Variants in CDH18 observed in about 807,000 individuals in gnomAD.
The protein encoded by CDH18 is cadherin-18.
A neutral mutation model predicts 67.9 loss-of-function variants in CDH18; 31 were observed. That is an observed-to-expected ratio of 0.46 (90% confidence interval 0.34 to 0.62). The LOEUF (loss-of-function observed/expected upper bound fraction) is 0.62. CDH18 is among the 20% of genes least tolerant of loss of function. The pLI is 0.01. For missense variants in CDH18, 890 were observed against 975.5 expected (o/e 0.91, Z 1.17); for synonymous variants, 362 against 347.2 (o/e 1.04, Z -0.48).
intron 4 of CDH18, among the ~76,000 whole-genome samples, chr5:19,741,257 G>GGA: frequency 1.7e-5 from 1 of 58,416 alleles, no homozygotes; most frequent in South Asian, 9.5e-4. Flanking sequence ...ATGTATATAT[G>GGA]TATACATATA....
At chr5:20,067,379 G>C (rs949878123) in intron 2 of CDH18, among the ~76,000 whole-genome samples, 2 of 150,644 alleles carry the variant, frequency 1.3e-5, no homozygotes, top group African/African-American at 2.4e-5. Flanking sequence ...TTGGTCTTTT[G>C]CTGTATGCGC....
intron 2 of CDH18, among the ~76,000 whole-genome samples, chr5:20,006,569 T>C (rs1010783365): frequency 3.9e-5 from 6 of 151,970 alleles, no homozygotes; most frequent in Non-Finnish European, 8.8e-5. Context: ...TGATGAAATA[T>C]GAACTTGCTT....
At chr5:19,689,365 T>C (rs900333044) in intron 5 of CDH18, among the ~76,000 whole-genome samples, 2 of 151,824 alleles carry the variant, frequency 1.3e-5, no homozygotes, top group Non-Finnish European at 2.9e-5. Context: ...GAGTATAGGA[T>C]GATATATTCA....
At chr5:19,718,642 A>G (rs1765631773) in intron 5 of CDH18, among the ~76,000 whole-genome samples, 1 of 151,976 alleles carries the variant, frequency 6.6e-6, no homozygotes, top group Non-Finnish European at 1.5e-5. Context: ...AGATACTTGC[A>G]TATTTAAAAG....
intron 2 of CDH18, among the ~76,000 whole-genome samples, chr5:20,097,972 G>A (rs892699289): frequency 5.9e-5 from 9 of 151,714 alleles, no homozygotes; most frequent in Admixed American, 2.6e-4. Flanking sequence ...TATATCTTTC[G>A]ATTAGATTAT....
chr5:20,519,069 C>A (rs1053392778), intron 1 of CDH18, among the ~76,000 whole-genome samples: 2 of 152,096 alleles, frequency 1.3e-5, no homozygotes, highest in African/African-American at 4.8e-5. Flanking sequence ...GGAGATGATA[C>A]AAATTTTCAA....
intron 5 of CDH18, among the ~76,000 whole-genome samples, chr5:19,714,853 G>T (rs1039913850): frequency 6.6e-6 from 1 of 151,744 alleles, no homozygotes; most frequent in Non-Finnish European, 1.5e-5. Flanking sequence ...GATAAGTGAG[G>T]ACATACTGCA....
At chr5:20,333,540 C>T (rs1482343648) in intron 1 of CDH18, among the ~76,000 whole-genome samples, 1 of 146,394 alleles carries the variant, frequency 6.8e-6, no homozygotes, top group African/African-American at 2.5e-5. Context: ...CACACACACA[C>T]ACACACACAC....
intron 1 of CDH18, among the ~76,000 whole-genome samples, chr5:20,520,949 T>C (rs1485182050): frequency 6.6e-6 from 1 of 152,184 alleles, no homozygotes; most frequent in African/African-American, 2.4e-5. Flanking sequence ...ACCAGTCAGC[T>C]AAAAGGTGAG....
chr5:20,563,966 G>T (rs113267109), intron 1 of CDH18, among the ~76,000 whole-genome samples: 1 of 151,986 alleles, frequency 6.6e-6, no homozygotes, highest in African/African-American at 2.4e-5. Context: ...GGAACCCATG[G>T]TAAGTTTAAT....
intron 7 of CDH18, among the ~76,000 whole-genome samples, chr5:19,582,157 A>C (rs1743356656): frequency 6.6e-6 from 1 of 151,942 alleles, no homozygotes; most frequent in African/African-American, 2.4e-5. Flanking sequence ...TTTATATATA[A>C]TTATACACAA....
chr5:19,493,345 A>G (rs1579784117), intron 11 of CDH18, among the ~76,000 whole-genome samples: 1 of 152,230 alleles, frequency 6.6e-6, no homozygotes, highest in South Asian at 2.1e-4. Flanking sequence ...CCCAGCAGAC[A>G]GTACATAACA....
intron 3 of CDH18, among the ~76,000 whole-genome samples, chr5:19,769,129 G>T (rs977834840): frequency 1.3e-5 from 2 of 151,878 alleles, no homozygotes; most frequent in African/African-American, 4.8e-5. Context: ...GAGAAAAGGA[G>T]ACAGAAAGAA....
chr5:20,317,369 A>T (rs894203956), intron 1 of CDH18, among the ~76,000 whole-genome samples: 3 of 152,132 alleles, frequency 2.0e-5, no homozygotes, highest in African/African-American at 7.2e-5. Flanking sequence ...AAAAGTTTAT[A>T]TTAGAGGATA....
chr5:19,586,277 T>C (rs748221007), intron 7 of CDH18, among the ~76,000 whole-genome samples: 2 of 152,060 alleles, frequency 1.3e-5, no homozygotes, highest in Non-Finnish European at 2.9e-5. Flanking sequence ...ACATGTGCCA[T>C]GGTGGTCTGC....
intron 5 of CDH18, among the ~76,000 whole-genome samples, chr5:19,617,220 G>C (rs1342534083): frequency 4.6e-5 from 7 of 152,128 alleles, no homozygotes; most frequent in Admixed American, 2.0e-4. Flanking sequence ...ATATGTATAG[G>C]GATCAAATAG....
intron 1 of CDH18, among the ~76,000 whole-genome samples, chr5:20,443,396 C>T (rs1749777733): frequency 6.6e-6 from 1 of 151,600 alleles, no homozygotes; most frequent in African/African-American, 2.4e-5. Flanking sequence ...TTTACAATAT[C>T]AATGATGAAT....
chr5:19,811,149 AGAAAGAAAGAAG>A (rs749165556), intron 3 of CDH18, among the ~76,000 whole-genome samples: 22,700 of 74,108 alleles, frequency 0.31, 4,957 homozygotes, highest in African/African-American at 0.35. Context: ...AAAGAAAGAA[AGAAAGAAAGAAG>A]GAGAGAAAGA....
Position 19,520,665 on chromosome 5 carries a change from G to T in CDH18, c.1504C>A (p.Pro502Thr). 6.2e-7 allele frequency: 1 copy of T among 1,610,150 alleles called. No homozygotes were observed. The highest frequency in any genetic ancestry group is 8.5e-7 in the Non-Finnish European group (1 of 1,178,492). Residue 502 changes from proline to threonine, a missense_variant, in exon 10 of 13, where the codon CCT becomes ACT. Physicochemically the swap from Pro to Thr is conservative, Grantham distance 38. Around this residue, in one of 2 missense-constraint regions of CDH18, gnomAD observed 656 missense variants for 668.1 expected, o/e 0.98. Transcript: ENST00000382275. ...YDIIVCENSK[P>T]GQVIHTISAT... ...GGAAACAATTAACTTACCTGGCCAG[G>T]CTTAGAATTTTCACATACAATAATA...
Sources: allele counts gnomAD v4.1 joint callset (sites outside exome capture counted in the v4.1 genomes callset), GRCh38; gene constraint gnomAD v4.1.1; regional missense constraint gnomAD v4.1.1; transcripts MANE v1.5; gene names NCBI Gene and HGNC (gene_info 2026-07-23, HGNC 2026-07-21).